CSMD2: variants seen among roughly 807,000 people sequenced by gnomAD.
CSMD2 encodes CUB and Sushi multiple domains 2, also known as CUB and sushi domain-containing protein 2.
In CSMD2, 130 loss-of-function variants were observed where a neutral mutation model predicts 398.5. That is an observed-to-expected ratio of 0.33 (90% CI 0.28 to 0.38). The LOEUF (loss-of-function observed/expected upper bound fraction) is 0.38, where lower values mean the gene tolerates loss of function less well. Ranked by LOEUF, CSMD2 falls within the 10% of genes least tolerant of loss-of-function variation. The pLI, the probability that CSMD2 is intolerant of heterozygous loss-of-function variation, is 1.00. For missense variants in CSMD2, 3,829 were observed against 4,764.9 expected (o/e 0.80, Z 5.78); for synonymous variants, 1,828 against 1,908.5 (o/e 0.96, Z 1.10).
intron 5 of CSMD2, among the ~76,000 whole-genome samples, chr1:33,860,043 G>A (rs1247588131): frequency 6.6e-6 from 1 of 152,114 alleles, no homozygotes; most frequent in Non-Finnish European, 1.5e-5. Flanking sequence ...CCTAATGTTG[G>A]CATCTTACAT....
intron 1 of CSMD2, among the ~76,000 whole-genome samples, chr1:34,136,055 G>A (rs987177889): frequency 1.3e-5 from 2 of 152,046 alleles, no homozygotes; most frequent in African/African-American, 4.8e-5. Flanking sequence ...AGGAGAGAGA[G>A]GCATGGCTGG....
At chr1:33,749,292 G>T (rs1020880695) in intron 13 of CSMD2, among the ~76,000 whole-genome samples, 1 of 151,596 alleles carries the variant, frequency 6.6e-6, no homozygotes, top group Non-Finnish European at 1.5e-5. Flanking sequence ...GTAGAGACAG[G>T]GTTTCGCCGT....
chr1:33,987,548 C>T (rs369164737), intron 3 of CSMD2, among the ~76,000 whole-genome samples: 1 of 152,148 alleles, frequency 6.6e-6, no homozygotes, highest in African/African-American at 2.4e-5. Context: ...TGACACAGAG[C>T]AAGTATTTGT....
chr1:33,818,582 C>CT (rs1394172472), intron 9 of CSMD2, among the ~76,000 whole-genome samples: 2 of 152,106 alleles, frequency 1.3e-5, no homozygotes, highest in African/African-American at 4.8e-5. Context: ...GACAAGAATT[C>CT]TTTTTTGTTG....
chr1:33,625,414 C>T (rs1642053831), intron 33 of CSMD2, among the ~76,000 whole-genome samples, 160 bp from the exon 34 acceptor site: 1 of 152,308 alleles, frequency 6.6e-6, no homozygotes, highest in East Asian at 1.9e-4. Context: ...TAGGAGGATG[C>T]CTGTTATACC....
At chr1:33,788,807 TC>T in intron 11 of CSMD2, 95 bp from the exon 12 acceptor site, 1 of 851,542 alleles carries the variant, frequency 1.2e-6, no homozygotes, top group Non-Finnish European at 1.9e-6. Context: ...CTATCCAGGA[TC>T]CAGGCCCGCT....
chr1:33,620,364 C>G (rs944589782), intron 37 of CSMD2, among the ~76,000 whole-genome samples: 2 of 152,172 alleles, frequency 1.3e-5, no homozygotes, highest in Non-Finnish European at 2.9e-5. Context: ...AGGGCCCTGG[C>G]TCCTAGGAAT....
chr1:33,649,134 T>C (rs1643620982), intron 28 of CSMD2, among the ~76,000 whole-genome samples: 1 of 152,128 alleles, frequency 6.6e-6, no homozygotes, highest in Non-Finnish European at 1.5e-5. Context: ...TAAGTATATA[T>C]CTAACAAAGG....
intron 6 of CSMD2, among the ~76,000 whole-genome samples, chr1:33,833,336 G>T (rs1255481726): frequency 7.3e-6 from 1 of 137,124 alleles, no homozygotes; most frequent in Admixed American, 7.7e-5. Flanking sequence ...GGGATGCAAG[G>T]CTGGTTCAAT....
intron 25 of CSMD2, among the ~76,000 whole-genome samples, chr1:33,671,799 C>A (rs973947755): frequency 2.6e-5 from 4 of 152,198 alleles, no homozygotes; most frequent in African/African-American, 7.2e-5. Flanking sequence ...ACTGCAGGGG[C>A]CCGTCCCTCT....
chr1:34,044,590 C>T (rs1369349950), intron 2 of CSMD2, among the ~76,000 whole-genome samples: 2 of 152,114 alleles, frequency 1.3e-5, no homozygotes, highest in African/African-American at 2.4e-5. Context: ...TTCTGAAACC[C>T]AGAGTGACCA....
At chr1:33,645,091 T>C (rs141673229) in intron 29 of CSMD2, among the ~76,000 whole-genome samples, 2 of 152,260 alleles carry the variant, frequency 1.3e-5, no homozygotes, top group East Asian at 3.9e-4. Context: ...ATTAGTGTTA[T>C]GTGTGAGCTC....
intron 10 of CSMD2, among the ~76,000 whole-genome samples, chr1:33,809,713 T>C (rs1656634814): frequency 6.8e-6 from 1 of 146,608 alleles, no homozygotes; most frequent in Non-Finnish European, 1.5e-5. Context: ...AGAAAAGGTA[T>C]AAGAAATGGA....
chr1:33,901,057 A>C (rs1400809072), intron 5 of CSMD2, among the ~76,000 whole-genome samples: 2 of 152,158 alleles, frequency 1.3e-5, no homozygotes, highest in Non-Finnish European at 2.9e-5. Context: ...GAGGAAGCTA[A>C]GTCTCTGAGG....
rs1460116476 is a variant in CSMD2 at position 34,163,198 on chromosome 1, G to GT, written c.187+1712dup. On this transcript the variant is annotated intron_variant, in intron 1 of 70. Coordinates refer to ENST00000373381, the MANE Select transcript of CSMD2 (RefSeq NM_001281956.2). The surrounding 1 kb of genome is among the most constrained non-coding windows in gnomAD (Gnocchi z 5.4). Reference sequence around the variant, plus strand: ...AGCCAGAGACCGGCCTCGCCTCAACGTACGTCCGGGAGGCCTGGCGGGAGG... The same window carrying GT: ...AGCCAGAGACCGGCCTCGCCTCAACGTTACGTCCGGGAGGCCTGGCGGGAGG... 6.6e-6 allele frequency among the ~76,000 whole-genome samples: 1 copy of GT among 152,226 alleles called. No homozygotes were observed. The highest frequency in any genetic ancestry group is 1.5e-5 in the Non-Finnish European group (1 of 68,034).
chr1:33,581,122 G>A (rs1465782552), intron 47 of CSMD2, among the ~76,000 whole-genome samples: 2 of 151,958 alleles, frequency 1.3e-5, no homozygotes, highest in East Asian at 3.9e-4. Context: ...ACCTCTAGGG[G>A]CTGGCAGGTA....
At chr1:34,017,421 T>C (rs1469316608) in intron 3 of CSMD2, among the ~76,000 whole-genome samples, 29 of 152,198 alleles carry the variant, frequency 1.9e-4, no homozygotes, top group Admixed American at 1.9e-3. Context: ...AATACCTACT[T>C]AGTTTTGGGT....
Position 33,603,235 on chromosome 1 carries a change from T to C in CSMD2, c.6533-689A>G, listed in dbSNP as rs532360484. On this transcript the variant is annotated intron_variant, in intron 42 of 70. Coordinates refer to ENST00000373381, the MANE Select transcript of CSMD2 (RefSeq NM_001281956.2). ...CGCATTTGCTATGTAGATAAGATCC[T>C]CTCTCCTTATCTTCCTGTTCCCCAA... Among the ~76,000 whole-genome samples, 5 of 152,262 alleles carry C rather than the reference T, an allele frequency of 3.3e-5. No homozygotes were observed. In the East Asian group the frequency reaches 7.7e-4, roughly 24 times the overall value.
chr1:33,744,718 T>A (rs2149259014), intron 13 of CSMD2, among the ~76,000 whole-genome samples: 1 of 152,208 alleles, frequency 6.6e-6, no homozygotes, highest in South Asian at 2.1e-4. Flanking sequence ...ATCACTAAGA[T>A]GAGTAAAGAG....
Sources: gnomAD v4.1 joint callset for allele counts (sites outside exome capture counted in the v4.1 genomes callset) on GRCh38, gnomAD v4.1.1 for gene constraint, Gnocchi (gnomAD v3.1) non-coding constraint, MANE v1.5 for transcripts, NCBI Gene and HGNC (gene_info 2026-07-23, HGNC 2026-07-21) for gene names.